Variants in TENM2 observed in about 807,000 individuals in gnomAD.
TENM2 encodes teneurin transmembrane protein 2, also known as teneurin-2.
A neutral mutation model predicts 245.2 loss-of-function variants in TENM2; 52 were observed. The ratio of observed to expected loss-of-function variants is 0.21; its 90% CI spans 0.17 to 0.27. The LOEUF is 0.27. Among genes scored for constraint, TENM2 ranks in the 10% least tolerant of loss-of-function variants. The probability of loss-of-function intolerance (pLI) is 1.00; values close to 1 mark genes in which losing one functional copy is unlikely to be tolerated. For missense variants in TENM2, 3,046 were observed against 3,666.8 expected (o/e 0.83, Z 4.37); for synonymous variants, 1,363 against 1,438.9 (o/e 0.95, Z 1.19).
intron 16 of TENM2, among the ~76,000 whole-genome samples, chr5:168,199,447 G>T (rs1022932349): frequency 1.3e-5 from 2 of 152,198 alleles, no homozygotes; most frequent in Non-Finnish European, 2.9e-5. Context: ...CTACATCGGT[G>T]TTACGACAGA....
chr5:167,093,225 T>C, the TENM2 span, among the ~76,000 whole-genome samples: 2 of 152,210 alleles, frequency 1.3e-5, no homozygotes, highest in Non-Finnish European at 1.5e-5. Flanking sequence ...TTGGGAAATA[T>C]CACTGCTCCC....
intron 2 of TENM2, among the ~76,000 whole-genome samples, chr5:167,634,009 A>G (rs1779035823): frequency 6.6e-6 from 1 of 152,166 alleles, no homozygotes; most frequent in Non-Finnish European, 1.5e-5. Context: ...TGGGTGTTGT[A>G]ACTGTGTGTG....
intron 3 of TENM2, among the ~76,000 whole-genome samples, chr5:167,946,150 C>A (rs1779604879): frequency 6.6e-6 from 1 of 152,174 alleles, no homozygotes; most frequent in African/African-American, 2.4e-5. Flanking sequence ...GTCATTGTCC[C>A]ACATGCCCAG....
the TENM2 span, among the ~76,000 whole-genome samples, chr5:167,114,549 G>A: frequency 1.8e-4 from 27 of 152,052 alleles, no homozygotes; most frequent in South Asian, 2.1e-3. Flanking sequence ...ATTATTCAGA[G>A]GTCTTACCCA....
intron 1 of TENM2, among the ~76,000 whole-genome samples, chr5:167,334,871 CT>C (rs1209357362): frequency 6.6e-6 from 1 of 152,136 alleles, no homozygotes; most frequent in Non-Finnish European, 1.5e-5. Flanking sequence ...GACTTGTAGC[CT>C]TAAAATCTAA....
At chr5:168,011,686 G>C (rs1204421344) in intron 5 of TENM2, among the ~76,000 whole-genome samples, 1 of 151,966 alleles carries the variant, frequency 6.6e-6, no homozygotes, top group Non-Finnish European at 1.5e-5. Flanking sequence ...AACAAGCTGT[G>C]GCATTAAGTT....
At chr5:167,932,407 T>C (rs909308595) in intron 3 of TENM2, among the ~76,000 whole-genome samples, 6 of 152,178 alleles carry the variant, frequency 3.9e-5, no homozygotes, top group Admixed American at 6.5e-5. Flanking sequence ...TGTGTATGTG[T>C]GTTCATATGT....
chr5:167,503,766 T>A (rs564754942), intron 2 of TENM2, among the ~76,000 whole-genome samples: 5 of 152,240 alleles, frequency 3.3e-5, no homozygotes, highest in African/African-American at 1.2e-4. Flanking sequence ...CAGTGGCCCA[T>A]GCCTGTAGTC....
At chr5:167,708,975 G>GT (rs1758723697) in intron 2 of TENM2, among the ~76,000 whole-genome samples, 1 of 152,086 alleles carries the variant, frequency 6.6e-6, no homozygotes. Context: ...AAATGGGCGA[G>GT]TCTAGCACTT....
At chr5:167,812,349 A>G (rs941250172) in intron 2 of TENM2, among the ~76,000 whole-genome samples, 3 of 152,112 alleles carry the variant, frequency 2.0e-5, no homozygotes, top group Non-Finnish European at 4.4e-5. Context: ...TGCTGAAGTG[A>G]TAATTGTGCA....
the TENM2 span, among the ~76,000 whole-genome samples, chr5:167,122,830 A>G: frequency 6.6e-6 from 1 of 152,158 alleles, no homozygotes; most frequent in Non-Finnish European, 1.5e-5. Context: ...TGGACCTTAA[A>G]TGGTGTTTCT....
At chr5:167,878,977 G>A (rs1282286001) in intron 3 of TENM2, among the ~76,000 whole-genome samples, 2 of 152,098 alleles carry the variant, frequency 1.3e-5, no homozygotes, top group Non-Finnish European at 1.5e-5. Flanking sequence ...GCCCATACAC[G>A]ACAGTAAAAC....
At chr5:167,415,222 A>G (rs930845224) in intron 2 of TENM2, among the ~76,000 whole-genome samples, 4 of 152,124 alleles carry the variant, frequency 2.6e-5, no homozygotes, top group African/African-American at 9.7e-5. Context: ...TTTTCATGAA[A>G]CAGTGCTGGG....
At chr5:168,128,675 C>T (rs1796027026) in intron 12 of TENM2, among the ~76,000 whole-genome samples, 1 of 152,266 alleles carries the variant, frequency 6.6e-6, no homozygotes, top group African/African-American at 2.4e-5. Context: ...GCAGGAGTCG[C>T]CAAACTACGG....
intron 2 of TENM2, among the ~76,000 whole-genome samples, chr5:167,437,218 C>T (rs1214174616): frequency 2.6e-5 from 4 of 152,178 alleles, no homozygotes; most frequent in African/African-American, 4.8e-5. Context: ...CATGGGAACC[C>T]ACCTCTTGCA....
intron 5 of TENM2, among the ~76,000 whole-genome samples, chr5:168,008,042 A>C (rs940760148): frequency 2.6e-5 from 4 of 152,142 alleles, no homozygotes; most frequent in Admixed American, 1.3e-4. Flanking sequence ...GTATTCATTC[A>C]AGAGAAACTA....
chr5:167,914,305 G>A (rs1453188054), intron 3 of TENM2, among the ~76,000 whole-genome samples: 2 of 152,188 alleles, frequency 1.3e-5, no homozygotes, highest in Admixed American at 6.5e-5. Flanking sequence ...AGTCAGCAAG[G>A]CTGAATTTCC....
the TENM2 span, among the ~76,000 whole-genome samples, chr5:167,073,246 A>G: frequency 6.6e-6 from 1 of 152,110 alleles, no homozygotes; most frequent in East Asian, 1.9e-4. Flanking sequence ...TAACAGTTAC[A>G]TCCAGCTTTT....
At chr5:168,107,691 A>C (rs935749665) in intron 9 of TENM2, among the ~76,000 whole-genome samples, 4 of 151,838 alleles carry the variant, frequency 2.6e-5, no homozygotes, top group African/African-American at 9.7e-5. Flanking sequence ...CTGAACACTC[A>C]CTCTAAGTTC....
Sources: gnomAD v4.1 joint callset for allele counts (sites outside exome capture counted in the v4.1 genomes callset) on GRCh38, gnomAD v4.1.1 for gene constraint, MANE v1.5 for transcripts, NCBI Gene and HGNC (gene_info 2026-07-23, HGNC 2026-07-21) for gene names.